The following NUSAP1 variants were observed in gnomAD, a reference collection of about 807,000 sequenced individuals.
The protein encoded by NUSAP1 is nucleolar and spindle associated protein 1, also known as nucleolar and spindle-associated protein 1.
In NUSAP1, 32 loss-of-function variants were observed where a neutral mutation model predicts 52.8. The observed-to-expected ratio is 0.61, with a 90% confidence interval of 0.46 to 0.81. NUSAP1 has a LOEUF of 0.81. Ranked by LOEUF, NUSAP1 falls within the 40% of genes least tolerant of loss-of-function variation. The pLI, the probability that NUSAP1 is intolerant of heterozygous loss-of-function variation, is 0.00. For missense variants in NUSAP1, 499 were observed against 522.3 expected (o/e 0.96, Z 0.43); for synonymous variants, 195 against 183.1 (o/e 1.06, Z -0.52).
At chr15:41,357,456 T>G (rs1035589115) in intron 5 of NUSAP1, among the ~76,000 whole-genome samples, 2 of 152,070 alleles carry the variant, frequency 1.3e-5, no homozygotes, top group Admixed American at 6.6e-5. Flanking sequence ...ATACTTTTTT[T>G]TTTTGAGACG....
intron 2 of NUSAP1, among the ~76,000 whole-genome samples, chr15:41,346,339 TCTCA>T (rs2048567026): frequency 1.3e-5 from 2 of 152,042 alleles, no homozygotes; most frequent in Non-Finnish European, 2.9e-5. Context: ...TGAGATGGGG[TCTCA>T]CTCTATCACC....
Position 41,380,340 on chromosome 15 carries a change from T to C in NUSAP1, c.*154T>C. The C allele has an allele frequency of 1.9e-6, 1 of 539,686 alleles. No individual in the cohort carries two copies. The highest frequency in any genetic ancestry group is 2.4e-5 in the South Asian group (1 of 41,112). 33.4% of individuals were successfully genotyped at this position (539,686 alleles called of 1,614,324 possible). ...GTGTCCATGGGTTCTTCATGTGCTA[T>C]GATCTCTGAAAAGACGTTATCACCT... On this transcript the variant is annotated 3_prime_UTR_variant, in exon 11 of 11. Transcript: ENST00000559596.
intron 2 of NUSAP1, 76 bp from the exon 3 acceptor site, chr15:41,349,020 TTC>T (rs2140610835): frequency 7.1e-7 from 1 of 1,407,924 alleles, no homozygotes; most frequent in African/African-American, 1.4e-5. Flanking sequence ...ATGTTTTTTA[TTC>T]TGTCTCAATT....
chr15:41,332,892 G>T lies in NUSAP1; in HGVS notation c.-66G>T. Reference sequence around the variant, plus strand: ...AGTCAAAGTTAAGAGTGGCGCCAGGGATTTGAACCGCGCTGACGAAGTTTG... The same window carrying T: ...AGTCAAAGTTAAGAGTGGCGCCAGGTATTTGAACCGCGCTGACGAAGTTTG... On this transcript the variant is annotated 5_prime_UTR_variant, in exon 1 of 11. Coordinates refer to ENST00000559596, the MANE Select transcript of NUSAP1 (RefSeq NM_016359.5). 1 of 1,281,110 alleles carries T rather than the reference G, an allele frequency of 7.8e-7. No individual in the cohort carries two copies. The highest frequency in any genetic ancestry group is 1.1e-6 in the Non-Finnish European group (1 of 897,930). The allele number at this position is 1,281,110 out of a possible 1,614,324, so 79.4% of individuals were successfully genotyped here.
intron 7 of NUSAP1, among the ~76,000 whole-genome samples, chr15:41,368,586 CAA>C (rs910541969): frequency 1.6e-4 from 25 of 152,236 alleles, no homozygotes; most frequent in African/African-American, 6.0e-4. Flanking sequence ...CCCCATAGAT[CAA>C]AGTCTTCAGA....
chr15:41,365,672 T>A, intron 7 of NUSAP1, 83 bp downstream of exon 7: 1 of 973,184 alleles, frequency 1.0e-6, no homozygotes, highest in Non-Finnish European at 1.5e-6. Context: ...TGGCAAATAA[T>A]ATTCGTACAT....
chr15:41,360,857 C>T (rs2049146661), intron 6 of NUSAP1, among the ~76,000 whole-genome samples: 1 of 140,068 alleles, frequency 7.1e-6, no homozygotes, highest in African/African-American at 2.7e-5. Flanking sequence ...TGCAGTGGTG[C>T]GATCTTGGCT....
chr15:41,346,826 CAAAAATAAATAAATAAA>C (rs143512611), intron 2 of NUSAP1, among the ~76,000 whole-genome samples: 4,934 of 129,934 alleles, frequency 0.038, 273 homozygotes, highest in African/African-American at 0.13. Flanking sequence ...GACCCCGTCT[CAAAAATAAATAAATAAA>C]TAAATAAATA....
rs770611794 is a variant in NUSAP1, at chr15:41,365,407, G to A, written c.666G>A (p.Gln222=). The change falls in exon 7 of 11, where the codon CAG becomes CAA. Residue 222 remains glutamine (Q), a synonymous_variant. Coordinates refer to ENST00000559596, the MANE Select transcript of NUSAP1 (RefSeq NM_016359.5). ...EHNSMNELKQ[Q]PINKGGVRTP... is the part of the protein sequence containing the mutation. ...ATGATGCATTTTCTCTTCAGCAGCA[G>A]CCCATCAATAAGGGAGGGGTCAGGA... The A allele has an allele frequency of 3.1e-6, 5 of 1,604,518 alleles. No individual in the cohort carries two copies. The highest frequency in any genetic ancestry group is 1.7e-4 in the Middle Eastern group (1 of 6,022).
At chr15:41,370,182 C>T (rs1005712870) in intron 7 of NUSAP1, among the ~76,000 whole-genome samples, 2 of 149,854 alleles carry the variant, frequency 1.3e-5, no homozygotes, top group Admixed American at 1.3e-4. Flanking sequence ...GAGATCGAGA[C>T]CATCCTGGCT....
chr15:41,365,644 A>G, intron 7 of NUSAP1, 55 bp downstream of exon 7: 2 of 1,170,784 alleles, frequency 1.7e-6, no homozygotes, highest in Non-Finnish European at 2.3e-6. Flanking sequence ...TGGACTATAT[A>G]AAAAAAAAAT....
At chr15:41,363,421 T>G (rs916904115) in intron 6 of NUSAP1, among the ~76,000 whole-genome samples, 2 of 151,650 alleles carry the variant, frequency 1.3e-5, no homozygotes, top group Admixed American at 1.3e-4. Flanking sequence ...GTCACCCAGG[T>G]GGTAATTCAA....
chr15:41,353,673 C>T (rs1428127317), intron 4 of NUSAP1, among the ~76,000 whole-genome samples: 1 of 152,154 alleles, frequency 6.6e-6, no homozygotes, highest in Admixed American at 6.6e-5. Context: ...GATGAAAGCT[C>T]ATTGCATATT....
At position 41,358,531 on chromosome 15, in the gene NUSAP1, G is replaced by A. The variant is rs374936874; in HGVS notation, c.660+273G>A. On this transcript the variant is annotated intron_variant, in intron 6 of 10. Transcript: ENST00000559596. ...GCAAGTGGATTACCTCAGGTCAGGA[G>A]TTCAAGGCCAGCCTGGGCAACATGG... 2.0e-5 allele frequency among the ~76,000 whole-genome samples: 3 copies of A among 152,162 alleles called. No homozygotes were observed. In the East Asian group the frequency reaches 5.8e-4, roughly 29 times the overall value.
chr15:41,352,577 T>TTTTA (rs553552420), intron 4 of NUSAP1, among the ~76,000 whole-genome samples: 237 of 151,884 alleles, frequency 1.6e-3, no homozygotes, highest in African/African-American at 4.9e-3. Flanking sequence ...AATTTTTAAT[T>TTTTA]TTTATTTATT....
intron 10 of NUSAP1, among the ~76,000 whole-genome samples, chr15:41,378,210 C>G (rs28584379): frequency 0.18 from 28,073 of 151,988 alleles, 3,369 homozygotes; most frequent in Non-Finnish European, 0.26. Context: ...CTCCAGATAC[C>G]AATGCCCAGC....
intron 7 of NUSAP1, among the ~76,000 whole-genome samples, chr15:41,368,541 T>A (rs1219294858): frequency 1.3e-5 from 2 of 152,130 alleles, no homozygotes; most frequent in African/African-American, 4.8e-5. Flanking sequence ...TACTTGTAAC[T>A]TTTCTGACAT....
At chr15:41,358,035 T>G in intron 5 of NUSAP1, 114 bp from the exon 6 acceptor site, 1 of 514,638 alleles carries the variant, frequency 1.9e-6, no homozygotes, top group Non-Finnish European at 3.5e-6. Flanking sequence ...AAAAATTATA[T>G]TGAAGTTGAA....
intron 2 of NUSAP1, among the ~76,000 whole-genome samples, chr15:41,345,108 T>C (rs1421704372): frequency 6.6e-6 from 1 of 152,126 alleles, no homozygotes; most frequent in Non-Finnish European, 1.5e-5. Context: ...CAAGTGATCC[T>C]CTTGCCTCAC....
Sources: allele counts gnomAD v4.1 joint callset (sites outside exome capture counted in the v4.1 genomes callset), GRCh38; gene constraint gnomAD v4.1.1; transcripts MANE v1.5; gene names NCBI Gene and HGNC (gene_info 2026-07-23, HGNC 2026-07-21).